Variants in PIP5K1C observed in about 807,000 individuals in gnomAD.
The protein encoded by PIP5K1C is phosphatidylinositol-4-phosphate 5-kinase type 1 gamma.
In PIP5K1C, 45 loss-of-function variants were observed where a neutral mutation model predicts 80.1. The observed-to-expected ratio is 0.56, with a 90% CI of 0.44 to 0.72. The LOEUF is 0.72. Ranked by LOEUF, PIP5K1C falls within the 30% of genes least tolerant of loss-of-function variation. The probability of loss-of-function intolerance (pLI) is 0.00; values close to 1 mark genes in which losing one functional copy is unlikely to be tolerated. For missense variants in PIP5K1C, 753 were observed against 954.6 expected (o/e 0.79, Z 2.78); for synonymous variants, 498 against 420.1 (o/e 1.19, Z -2.27).
At chr19:3,659,134 G>A (rs754115766) in intron 5 of PIP5K1C, among the ~76,000 whole-genome samples, 11 of 152,158 alleles carry the variant, frequency 7.2e-5, no homozygotes, top group Non-Finnish European at 1.5e-4. Flanking sequence ...CGGCAACCTC[G>A]AGTCCCCTCC....
rs561046703 is a variant in PIP5K1C at position 3,648,721 on chromosome 19, G to T, written c.1128-13C>A. ...GATCCCGCCCATCCTGGGGAGAGAGGCCGAGGGTACCATCAGCATCCCGCA... is the reference window on the plus strand; with the variant it reads ...GATCCCGCCCATCCTGGGGAGAGAGTCCGAGGGTACCATCAGCATCCCGCA... On this transcript the variant is annotated splice_polypyrimidine_tract_variant and intron_variant, in intron 8 of 17. Transcript: ENST00000335312. The surrounding 1 kb of genome is among the most constrained non-coding windows in gnomAD (Gnocchi z 4.3). 1.1e-5 allele frequency: 17 copies of T among 1,610,744 alleles called. No individual in the cohort carries two copies. The highest frequency in any genetic ancestry group is 3.3e-5 in the Admixed American group (2 of 59,996).
chr19:3,636,795 C>T (rs1165475780), intron 16 of PIP5K1C: 1 of 987,330 alleles, frequency 1.0e-6, no homozygotes, highest in African/African-American at 1.7e-5. Context: ...AGGGGACACT[C>T]CTGCTTTGGG....
At chr19:3,643,125 C>T in intron 13 of PIP5K1C, 118 bp downstream of exon 13, 1 of 1,493,372 alleles carries the variant, frequency 6.7e-7, no homozygotes, top group Non-Finnish European at 9.2e-7. Context: ...TGTACATCCA[C>T]CGTACATACG....
chr19:3,637,022 G>A lies in PIP5K1C; in HGVS notation c.1920+1862C>T, dbSNP rs2033715408. On this transcript the variant is annotated intron_variant, in intron 16 of 17. Transcript: ENST00000335312. This position sits in a 1 kb window ranked among gnomAD's most constrained non-coding sequence, Gnocchi z 7.0. ...CTCCCAGGGGAGCCGAGGCCTCAGC[G>A]CCTCCATCTGTGAGGTGGGTGTGGA... 1.8e-5 allele frequency: 19 copies of A among 1,055,340 alleles called. No individual in the cohort carries two copies. Among genetic ancestry groups the A allele is most frequent in the Admixed American group, 5.0e-5 (1 of 19,984 alleles). The allele number at this position is 1,055,340 out of a possible 1,614,324, so 65.4% of individuals were successfully genotyped here.
Position 3,696,523 on chromosome 19 carries a change from G to T in PIP5K1C, c.94+3774C>A, listed in dbSNP as rs1457952745. ...TGTGTGGTGACAGCAGGGCAGGGAG[G>T]CCTCACGGAGAGGAGATGCTCCCAC... On this transcript the variant is annotated intron_variant, in intron 1 of 17. Transcript: ENST00000335312. This position sits in a 1 kb window ranked among gnomAD's most constrained non-coding sequence, Gnocchi z 4.1. 6.7e-6 allele frequency among the ~76,000 whole-genome samples: 1 copy of T among 148,480 alleles called. No homozygotes were observed. Among genetic ancestry groups the T allele is most frequent in the Non-Finnish European group, 1.5e-5 (1 of 67,402 alleles).
At chr19:3,658,828 T>C (rs1326846014) in intron 5 of PIP5K1C, among the ~76,000 whole-genome samples, 2 of 152,246 alleles carry the variant, frequency 1.3e-5, no homozygotes, top group Non-Finnish European at 1.5e-5. Context: ...TGCAGGGCTA[T>C]GGCCTCCATG....
chr19:3,681,594 C>A (rs185296813), intron 1 of PIP5K1C, among the ~76,000 whole-genome samples: 7 of 152,110 alleles, frequency 4.6e-5, no homozygotes, highest in Non-Finnish European at 8.8e-5. Context: ...CACATCCCCC[C>A]GCGGGCTGGT....
At chr19:3,695,549 A>G (rs2036075931) in intron 1 of PIP5K1C, among the ~76,000 whole-genome samples, 1 of 152,130 alleles carries the variant, frequency 6.6e-6, no homozygotes, top group Non-Finnish European at 1.5e-5. Context: ...TGAACCCAGG[A>G]GGGCCGGCCC....
chr19:3,697,045 T>TGAGCTGGACCGGGGAGGACC (rs1379904259), intron 1 of PIP5K1C, among the ~76,000 whole-genome samples: 16 of 140,338 alleles, frequency 1.1e-4, no homozygotes, highest in South Asian at 9.4e-4. Context: ...AAAGGAGGAC[T>TGAGCTGGACCGGGGAGGACC]GAGCTGGACC....
At chr19:3,697,200 C>T (rs1343710529) in intron 1 of PIP5K1C, among the ~76,000 whole-genome samples, 5 of 135,068 alleles carry the variant, frequency 3.7e-5, no homozygotes, top group South Asian at 2.5e-4. Flanking sequence ...AGGACTGAGC[C>T]GGATGGAGGA....
At chr19:3,658,764 G>C (rs960288758) in intron 5 of PIP5K1C, among the ~76,000 whole-genome samples, 7 of 152,230 alleles carry the variant, frequency 4.6e-5, no homozygotes, top group African/African-American at 1.4e-4. Context: ...GTTCGGCTTT[G>C]TACAAAGAAC....
chr19:3,662,230 C>T (rs1012695302), intron 3 of PIP5K1C, among the ~76,000 whole-genome samples: 1 of 152,206 alleles, frequency 6.6e-6, no homozygotes, highest in Non-Finnish European at 1.5e-5. Context: ...GGACAGGGCT[C>T]GGCTGCAACT....
At chr19:3,699,051 G>A (rs909625687) in intron 1 of PIP5K1C, among the ~76,000 whole-genome samples, 3 of 151,520 alleles carry the variant, frequency 2.0e-5, no homozygotes, top group African/African-American at 4.9e-5. Context: ...AATGGTCGCG[G>A]TGTGGTTTTC....
At chr19:3,686,036 G>C (rs1483586766) in intron 1 of PIP5K1C, among the ~76,000 whole-genome samples, 2 of 151,732 alleles carry the variant, frequency 1.3e-5, no homozygotes, top group Non-Finnish European at 2.9e-5. Flanking sequence ...TCTTTTTTCA[G>C]AAACGGGGGT....
At chr19:3,698,477 G>A (rs1185511540) in intron 1 of PIP5K1C, among the ~76,000 whole-genome samples, 2 of 152,220 alleles carry the variant, frequency 1.3e-5, no homozygotes, top group Non-Finnish European at 2.9e-5. Flanking sequence ...GATGACCAGA[G>A]ATAAAAAGCA....
rs190944976 is a variant in PIP5K1C at position 3,696,529 on chromosome 19, C to T, written c.94+3768G>A. Among the ~76,000 whole-genome samples, 27 of 134,492 alleles carry T rather than the reference C, an allele frequency of 2.0e-4. No homozygotes were observed. In the East Asian group the frequency reaches 3.5e-3, roughly 17 times the overall value. The allele number at this position is 134,492 out of a possible 152,430, so 88.2% of individuals were successfully genotyped here. A position where few individuals can be genotyped will look rare whatever the true frequency, so the allele number is the denominator to read the frequency against. On this transcript the variant is annotated intron_variant, in intron 1 of 17. Coordinates refer to ENST00000335312, the MANE Select transcript of PIP5K1C (RefSeq NM_012398.3). This position sits in a 1 kb window ranked among gnomAD's most constrained non-coding sequence, Gnocchi z 4.1. ...GTGACAGCAGGGCAGGGAGGCCTCA[C>T]GGAGAGGAGATGCTCCCACAAAACC...
rs180998237 is a variant in PIP5K1C at position 3,648,907 on chromosome 19, G to A, written c.1128-199C>T. Among the ~76,000 whole-genome samples the A allele has an allele frequency of 1.3e-5, 2 of 152,254 alleles. No homozygotes were observed. Among genetic ancestry groups the A allele is most frequent in the East Asian group, 1.9e-4 (1 of 5,180 alleles). On this transcript the variant is annotated intron_variant, in intron 8 of 17. Coordinates refer to ENST00000335312, the MANE Select transcript of PIP5K1C (RefSeq NM_012398.3). The surrounding 1 kb of genome is among the most constrained non-coding windows in gnomAD (Gnocchi z 4.3). The stretch of plus-strand genomic sequence containing the variant: ...ACCCCCAGCCTCAAACCCAGGCCCA[G>A]GCACTGCTGAGGAGTCCCAGCTAGG...
Position 3,633,161 on chromosome 19 carries a change from T to G in PIP5K1C, c.*6A>C, listed in dbSNP as rs377327828. The stretch of plus-strand genomic sequence containing the variant: ...GCTCGGCTCTGGGTCGGGGGCTGCA[T>G]AGAAATTACTGCAAGAGCAAGAGGA... On this transcript the variant is annotated 3_prime_UTR_variant, in exon 18 of 18. Coordinates refer to ENST00000335312, the MANE Select transcript of PIP5K1C (RefSeq NM_012398.3). 1 of 767,132 alleles carries G rather than the reference T, an allele frequency of 1.3e-6. No homozygotes were observed. The highest frequency in any genetic ancestry group is 1.8e-5 in the Admixed American group (1 of 57,038). 47.5% of individuals were successfully genotyped at this position (767,132 alleles called of 1,614,324 possible). A position where few individuals can be genotyped will look rare whatever the true frequency, so the allele number is the denominator to read the frequency against.
At chr19:3,639,415 C>T (rs2145385462) in intron 15 of PIP5K1C, among the ~76,000 whole-genome samples, 1 of 152,248 alleles carries the variant, frequency 6.6e-6, no homozygotes, top group East Asian at 1.9e-4. Flanking sequence ...CCGCTGGGAT[C>T]AGAGCTTCTT....
Sources: gnomAD v4.1 joint callset for allele counts (sites outside exome capture counted in the v4.1 genomes callset) on GRCh38, gnomAD v4.1.1 for gene constraint, Gnocchi (gnomAD v3.1) non-coding constraint, MANE v1.5 for transcripts, NCBI Gene and HGNC (gene_info 2026-07-23, HGNC 2026-07-21) for gene names.